Variants in GRID2 observed in about 807,000 individuals in gnomAD.
GRID2 encodes glutamate receptor ionotropic, delta-2.
Under a neutral mutation model 114.8 loss-of-function variants are expected in GRID2, and 33 were observed. The observed-to-expected ratio is 0.29, with a 90% CI of 0.22 to 0.38. The LOEUF is 0.38. Ranked by LOEUF, GRID2 falls within the 10% of genes least tolerant of loss-of-function variation. GRID2 has a pLI of 1.00. For missense variants in GRID2, 1,184 were observed against 1,257.7 expected, an observed-to-expected ratio of 0.94 and a Z score of 0.89; for synonymous variants, 505 against 449.9, an observed-to-expected ratio of 1.12 and a Z score of -1.55.
intron 1 of GRID2, among the ~76,000 whole-genome samples, chr4:92,518,685 G>A (rs894156553): frequency 6.6e-6 from 1 of 151,646 alleles, no homozygotes; most frequent in Non-Finnish European, 1.5e-5. Context: ...TAGTTAAAGT[G>A]TAATTTACCA....
At chr4:93,420,380 G>T (rs1309112857) in intron 9 of GRID2, among the ~76,000 whole-genome samples, 1 of 152,058 alleles carries the variant, frequency 6.6e-6, no homozygotes, top group Admixed American at 6.6e-5. Context: ...TTTGTACAAG[G>T]CGTAATCATT....
In GRID2 at chr4:92,687,504, G is replaced by A. The variant is rs1054777763; in HGVS notation, c.244+97218G>A. On this transcript the variant is annotated intron_variant, in intron 2 of 15. Coordinates refer to ENST00000282020, the MANE Select transcript of GRID2 (RefSeq NM_001510.4). The stretch of plus-strand genomic sequence containing the variant: ...TCTATTAAGTGTGCACTAGCATTGT[G>A]TCCAAATAAAATGTAGATATATTAT... Among the ~76,000 whole-genome samples the A allele has an allele frequency of 2.8e-4, 43 of 152,018 alleles. 1 individual carries two copies. Among genetic ancestry groups the A allele is most frequent in the Non-Finnish European group, 7.4e-5 (5 of 68,004 alleles).
At chr4:93,218,888 G>A (rs1744552535) in intron 6 of GRID2, among the ~76,000 whole-genome samples, 1 of 152,132 alleles carries the variant, frequency 6.6e-6, no homozygotes, top group Non-Finnish European at 1.5e-5. Flanking sequence ...TGAGCAAAAG[G>A]TGGAAAAGCC....
chr4:92,544,804 C>T (rs1726157789), intron 1 of GRID2, among the ~76,000 whole-genome samples: 1 of 152,014 alleles, frequency 6.6e-6, no homozygotes, highest in Non-Finnish European at 1.5e-5. Flanking sequence ...TGTGAAAATA[C>T]ACACGTAGTC....
At chr4:92,519,068 G>A (rs1724646454) in intron 1 of GRID2, among the ~76,000 whole-genome samples, 1 of 151,772 alleles carries the variant, frequency 6.6e-6, no homozygotes, top group Admixed American at 6.6e-5. Flanking sequence ...GTCATAGCTG[G>A]GGTGAGGAAT....
intron 8 of GRID2, among the ~76,000 whole-genome samples, chr4:93,294,860 C>T (rs773874215): frequency 5.9e-5 from 9 of 152,064 alleles, no homozygotes; most frequent in Non-Finnish European, 8.8e-5. Context: ...GTGCCCAGTT[C>T]GTACTTTGGA....
At chr4:93,582,597 A>T (rs2196320) in intron 13 of GRID2, among the ~76,000 whole-genome samples, 27,330 of 152,152 alleles carry the variant, frequency 0.18, 3,177 homozygotes, top group Non-Finnish European at 0.26. Flanking sequence ...AGAAGTAGCG[A>T]TCATCTCAGA....
chr4:93,662,551 C>T (rs934656377), intron 14 of GRID2, among the ~76,000 whole-genome samples: 6 of 152,020 alleles, frequency 3.9e-5, no homozygotes, highest in Non-Finnish European at 7.4e-5. Context: ...CATAAATAAA[C>T]GTAGAGACAC....
chr4:93,069,009 A>G, intron 2 of GRID2, among the ~76,000 whole-genome samples: 1 of 151,882 alleles, frequency 6.6e-6, no homozygotes, highest in East Asian at 1.9e-4. Context: ...AGCAGAAACA[A>G]GAGAGAGAGG....
intron 1 of GRID2, among the ~76,000 whole-genome samples, chr4:92,323,777 G>A (rs1038424212): frequency 6.6e-6 from 1 of 151,926 alleles, no homozygotes; most frequent in African/African-American, 2.4e-5. Context: ...ATGATCATAG[G>A]CTCATTCATG....
At chr4:93,766,072 A>C (rs1260233343) in intron 14 of GRID2, among the ~76,000 whole-genome samples, 1 of 152,186 alleles carries the variant, frequency 6.6e-6, no homozygotes, top group African/African-American at 2.4e-5. Flanking sequence ...CCATCAATAA[A>C]TATGCACCTG....
intron 13 of GRID2, among the ~76,000 whole-genome samples, chr4:93,523,724 G>T (rs1730560814): frequency 6.6e-6 from 1 of 152,148 alleles, no homozygotes; most frequent in Admixed American, 6.6e-5. Flanking sequence ...GGCAGTGGAA[G>T]CTTGGCTAAC....
chr4:93,312,264 A>G (rs1400347266), intron 8 of GRID2, among the ~76,000 whole-genome samples: 1 of 152,180 alleles, frequency 6.6e-6, no homozygotes, highest in Non-Finnish European at 1.5e-5. Context: ...CTATCATTGC[A>G]TAATTAGTAT....
chr4:92,921,659 G>C (rs963475574), intron 2 of GRID2, among the ~76,000 whole-genome samples: 1 of 152,178 alleles, frequency 6.6e-6, no homozygotes, highest in African/African-American at 2.4e-5. Context: ...CTGCAGAACA[G>C]CGGCTATTGG....
chr4:92,512,468 A>G (rs1362254339), intron 1 of GRID2, among the ~76,000 whole-genome samples: 1 of 152,030 alleles, frequency 6.6e-6, no homozygotes, highest in Non-Finnish European at 1.5e-5. Flanking sequence ...CCAGTAAAGA[A>G]TCTGGAAAAG....
intron 1 of GRID2, among the ~76,000 whole-genome samples, chr4:92,474,059 C>G (rs1186204183): frequency 6.7e-6 from 1 of 150,350 alleles, no homozygotes; most frequent in African/African-American, 2.4e-5. Flanking sequence ...TAGCAAATTT[C>G]AAGTATAAAA....
chr4:93,679,069 A>T (rs1459590502), intron 14 of GRID2, among the ~76,000 whole-genome samples: 1 of 151,176 alleles, frequency 6.6e-6, no homozygotes, highest in Non-Finnish European at 1.5e-5. Flanking sequence ...CTCAAAATAA[A>T]AGGATGGAGG....
At chr4:92,958,139 T>G (rs1003236998) in intron 2 of GRID2, among the ~76,000 whole-genome samples, 3 of 152,064 alleles carry the variant, frequency 2.0e-5, no homozygotes, top group Admixed American at 6.6e-5. Flanking sequence ...AAGTATACCT[T>G]TATTTCTCTT....
At chr4:92,962,480 A>C (rs1578615153) in intron 2 of GRID2, among the ~76,000 whole-genome samples, 1 of 151,788 alleles carries the variant, frequency 6.6e-6, no homozygotes, top group Non-Finnish European at 1.5e-5. Context: ...TCCTTCTCCC[A>C]GTTGGAAGGC....
Sources: gnomAD v4.1 joint callset for allele counts (sites outside exome capture counted in the v4.1 genomes callset) on GRCh38, gnomAD v4.1.1 for gene constraint, MANE v1.5 for transcripts, NCBI Gene and HGNC (gene_info 2026-07-23, HGNC 2026-07-21) for gene names.